The following AHCTF1 variants were observed in gnomAD, a reference collection of about 807,000 sequenced individuals.
AHCTF1 encodes AT-hook containing transcription factor 1, also known as protein ELYS.
Under a neutral mutation model 248.4 loss-of-function variants are expected in AHCTF1, and 24 were observed. The ratio of observed to expected loss-of-function variants is 0.10; its 90% CI spans 0.07 to 0.14. The LOEUF is 0.14. AHCTF1 is among the 10% of genes least tolerant of loss of function. The pLI, the probability that AHCTF1 is intolerant of heterozygous loss-of-function variation, is 1.00. For missense variants in AHCTF1, 2,206 were observed against 2,636.2 expected (o/e 0.84, Z 3.57); for synonymous variants, 786 against 929.8 (o/e 0.85, Z 2.81).
chr1:246,867,875 A>G (rs1662103170), intron 24 of AHCTF1, 64 bp from the exon 25 acceptor site: 2 of 1,116,178 alleles, frequency 1.8e-6, no homozygotes. Flanking sequence ...ATAAAAGCAT[A>G]TGAAAGAATG....
At chr1:246,854,090 G>C (rs1174413056) in intron 31 of AHCTF1, among the ~76,000 whole-genome samples, 1 of 152,086 alleles carries the variant, frequency 6.6e-6, no homozygotes, top group African/African-American at 2.4e-5. Context: ...ATGAGGTCAG[G>C]AGATCGAGAC....
intron 33 of AHCTF1, among the ~76,000 whole-genome samples, chr1:246,844,521 G>A (rs1476662194): frequency 6.6e-6 from 1 of 152,144 alleles, no homozygotes; most frequent in Non-Finnish European, 1.5e-5. Flanking sequence ...AGGAGTTCAA[G>A]ACTAGCCTGA....
chr1:246,913,541 A>G, intron 3 of AHCTF1, 129 bp from the exon 4 acceptor site: 1 of 809,030 alleles, frequency 1.2e-6, no homozygotes, highest in Non-Finnish European at 1.8e-6. Context: ...TTTGCATTTG[A>G]TACTTGTGAT....
chr1:246,913,102 T>C (rs1665920813), intron 4 of AHCTF1, 130 bp downstream of exon 4: 8 of 749,882 alleles, frequency 1.1e-5, no homozygotes, highest in Non-Finnish European at 1.6e-5. Context: ...AATACCTTTT[T>C]TTTTTTTATA....
rs980247432 is a variant in AHCTF1 at position 246,931,867 on chromosome 1, G to T, written c.-297C>A. On this transcript the variant is annotated 5_prime_UTR_variant, in exon 1 of 36. Transcript: ENST00000648844. ...CAGTCGCTGCTCCCGCCGCGCTTCT[G>T]GGTCCTTCCCCTTGCAACGCTGCCT... 7 of 152,634 alleles carry T rather than the reference G, an allele frequency of 4.6e-5. No homozygotes were observed. Among genetic ancestry groups the T allele is most frequent in the Non-Finnish European group, 8.8e-5 (6 of 68,430 alleles). The allele number at this position is 152,634 out of a possible 1,614,324, so 9.5% of individuals were successfully genotyped here.
chr1:246,842,069 A>G (rs1420785844), intron 35 of AHCTF1, among the ~76,000 whole-genome samples: 1 of 151,420 alleles, frequency 6.6e-6, no homozygotes, highest in African/African-American at 2.4e-5. Flanking sequence ...CTCGGATTAC[A>G]GGCGTGAGCC....
At chr1:246,921,000 G>C (rs1428853523) in intron 1 of AHCTF1, among the ~76,000 whole-genome samples, 1 of 151,378 alleles carries the variant, frequency 6.6e-6, no homozygotes, top group Non-Finnish European at 1.5e-5. Flanking sequence ...GCTGAGGCAG[G>C]AGAATCGCTT....
intron 1 of AHCTF1, among the ~76,000 whole-genome samples, chr1:246,921,819 C>G (rs1054130091): frequency 6.6e-6 from 1 of 151,946 alleles, no homozygotes; most frequent in Non-Finnish European, 1.5e-5. Flanking sequence ...AAAAAGTTTG[C>G]TTAAAGGAAA....
intron 17 of AHCTF1, among the ~76,000 whole-genome samples, chr1:246,889,676 A>G (rs943935919): frequency 3.3e-5 from 5 of 152,322 alleles, no homozygotes; most frequent in African/African-American, 1.2e-4. Flanking sequence ...TAAATGTTAT[A>G]TGCTTTGTAA....
At chr1:246,865,235 C>G (rs1474872952) in intron 26 of AHCTF1, 2 of 152,108 alleles carry the variant, frequency 1.3e-5, no homozygotes, top group Non-Finnish European at 2.9e-5. Context: ...TTATTTCCCC[C>G]AAATGCCAAA....
At chr1:246,879,475 C>T (rs1663234429) in intron 21 of AHCTF1, among the ~76,000 whole-genome samples, 1 of 152,084 alleles carries the variant, frequency 6.6e-6, no homozygotes, top group Admixed American at 6.6e-5. Context: ...CTCATCATAG[C>T]ATTGTTTAAA....
At chr1:246,912,138 C>T (rs977705916) in intron 4 of AHCTF1, among the ~76,000 whole-genome samples, 1 of 151,936 alleles carries the variant, frequency 6.6e-6, no homozygotes, top group African/African-American at 2.4e-5. Flanking sequence ...TTCTGAGCTG[C>T]TCCATAAATG....
At chr1:246,873,016 T>C (rs1662707223) in intron 24 of AHCTF1, among the ~76,000 whole-genome samples, 1 of 152,106 alleles carries the variant, frequency 6.6e-6, no homozygotes, top group African/African-American at 2.4e-5. Context: ...CTCCTAAGTT[T>C]CAGGGGCTCA....
intron 6 of AHCTF1, among the ~76,000 whole-genome samples, chr1:246,904,398 C>T (rs1002022388): frequency 1.3e-5 from 2 of 152,172 alleles, no homozygotes; most frequent in African/African-American, 4.8e-5. Flanking sequence ...CAGCTAAGTG[C>T]AGTACCCTGT....
chr1:246,859,382 G>C (rs549107673), intron 29 of AHCTF1, among the ~76,000 whole-genome samples: 16 of 152,158 alleles, frequency 1.1e-4, no homozygotes, highest in African/African-American at 3.9e-4. Flanking sequence ...GTGTTCCCCT[G>C]GCCCTCTTGT....
At chr1:246,899,660 T>C (rs1275957629) in intron 10 of AHCTF1, 148 bp from the exon 11 acceptor site, 8 of 607,426 alleles carry the variant, frequency 1.3e-5, no homozygotes, top group African/African-American at 1.9e-5. Flanking sequence ...GGTATTTTCA[T>C]CCTAAGAATA....
In AHCTF1 at chr1:246,840,600, G is replaced by A. The variant is rs2103022825; in HGVS notation, c.*206C>T. ...ATAAGCCATATTTACATATATAAAT[G>A]TATGAAGTCTTAATATAAAATAGAA... On this transcript the variant is annotated 3_prime_UTR_variant, in exon 36 of 36. Coordinates refer to ENST00000648844, the MANE Select transcript of AHCTF1 (RefSeq NM_001323342.2). The A allele has an allele frequency of 3.2e-6, 1 of 314,392 alleles. No individual in the cohort carries two copies. The highest frequency in any genetic ancestry group is 5.7e-6 in the Non-Finnish European group (1 of 175,176). The allele number at this position is 314,392 out of a possible 1,614,324, so 19.5% of individuals were successfully genotyped here.
At chr1:246,929,912 T>G (rs538411214) in intron 1 of AHCTF1, among the ~76,000 whole-genome samples, 1 of 151,746 alleles carries the variant, frequency 6.6e-6, no homozygotes, top group Non-Finnish European at 1.5e-5. Context: ...ATTAGCCGGG[T>G]GTGGTGGCGT....
Position 246,861,084 on chromosome 1 carries a change from T to C in AHCTF1, c.3947A>G (p.Glu1316Gly). Residue 1316 changes from glutamate (E) to glycine (G), a missense_variant, in exon 29 of 36, where the codon GAG becomes GGG. Glu to Gly is a moderately conservative substitution (Grantham distance 98). This residue lies in a region of AHCTF1 where 955 missense variants were observed against 1,055.6 expected (regional missense o/e 0.90). Coordinates refer to ENST00000648844, the MANE Select transcript of AHCTF1 (RefSeq NM_001323342.2). ...GNSSVSITSD[E>G]TTLEYQDAPS... ...TGCATCCTGATACTCTAAGGTAGTC[T>C]CATCGGATGTGATTGAAACACTGCT... 1 of 1,614,156 alleles carries C rather than the reference T, an allele frequency of 6.2e-7. No individual in the cohort carries two copies. The highest frequency in any genetic ancestry group is 8.5e-7 in the Non-Finnish European group (1 of 1,180,018).
Sources: gnomAD v4.1 joint callset for allele counts (sites outside exome capture counted in the v4.1 genomes callset) on GRCh38, gnomAD v4.1.1 for gene constraint, gnomAD v4.1.1 regional missense constraint, MANE v1.5 for transcripts, NCBI Gene and HGNC (gene_info 2026-07-23, HGNC 2026-07-21) for gene names.